PTPRM: variants seen among roughly 807,000 people sequenced by gnomAD.
The protein encoded by PTPRM is receptor-type tyrosine-protein phosphatase mu.
PTPRM carries 47 observed loss-of-function variants against 186.7 expected under a neutral mutation model. That is an observed-to-expected ratio of 0.25 (90% confidence interval 0.20 to 0.32). The LOEUF is 0.32. PTPRM is among the 10% of genes least tolerant of loss of function. The pLI, the probability that PTPRM is intolerant of heterozygous loss-of-function variation, is 1.00. For missense variants in PTPRM, 1,494 were observed against 1,865.0 expected, an observed-to-expected ratio of 0.80 and a Z score of 3.66; for synonymous variants, 668 against 674.9, an observed-to-expected ratio of 0.99 and a Z score of 0.16.
chr18:8,120,046 T>C (rs2092112538), intron 13 of PTPRM, among the ~76,000 whole-genome samples: 1 of 152,138 alleles, frequency 6.6e-6, no homozygotes, highest in Admixed American at 6.5e-5. Flanking sequence ...GGCCAGATAA[T>C]AAATATTTGA....
chr18:7,808,261 G>A (rs2044333289), intron 2 of PTPRM, among the ~76,000 whole-genome samples: 1 of 152,202 alleles, frequency 6.6e-6, no homozygotes, highest in Non-Finnish European at 1.5e-5. Context: ...AGAGCCATGT[G>A]ATGAAGTGGT....
rs747073088 is a variant in PTPRM, at chr18:8,113,642, A to C, written c.2013A>C (p.Gln671His). The stretch of plus-strand genomic sequence containing the variant: ...CAGAATTTCCTGCAGACAGCCTCCA[A>C]GCTGCGCAGCCTTTTACAATTGGTG... ...FAAEFPADSL[Q>H]AAQPFTIGDN... is the part of the protein sequence containing the mutation. Residue 671 changes from glutamine to histidine, a missense_variant, in exon 12 of 33, where the codon CAA (glutamine) becomes CAC (histidine). This residue lies in a region of PTPRM where 1,107 missense variants were observed against 1,350.2 expected (regional missense o/e 0.82). Coordinates refer to ENST00000580170, the MANE Select transcript of PTPRM (RefSeq NM_001105244.2). 1 of 1,614,072 alleles carries C rather than the reference A, an allele frequency of 6.2e-7. No homozygotes were observed. Among genetic ancestry groups the C allele is most frequent in the South Asian group, 1.1e-5 (1 of 91,080 alleles).
At chr18:7,993,241 G>A in intron 7 of PTPRM, among the ~76,000 whole-genome samples, 1 of 152,012 alleles carries the variant, frequency 6.6e-6, no homozygotes, top group East Asian at 1.9e-4. Flanking sequence ...TCACCATCAA[G>A]TGAACAAGCA....
chr18:8,171,603 A>G (rs1303029501), intron 14 of PTPRM, among the ~76,000 whole-genome samples: 1 of 152,154 alleles, frequency 6.6e-6, no homozygotes, highest in Non-Finnish European at 1.5e-5. Context: ...TCCTGTGTTC[A>G]TTTAAAATGG....
Position 8,319,170 on chromosome 18 carries a change from A to C in PTPRM, c.2920-8A>C. 1 of 1,519,328 alleles carries C rather than the reference A, an allele frequency of 6.6e-7. No homozygotes were observed. The highest frequency in any genetic ancestry group is 9.1e-7 in the Non-Finnish European group (1 of 1,099,984). 94.1% of individuals were successfully genotyped at this position (1,519,328 alleles called of 1,614,324 possible). On this transcript the variant is annotated splice_polypyrimidine_tract_variant and splice_region_variant and intron_variant, in intron 21 of 32. Transcript: ENST00000580170. ...GTTTATCAAATATTCTCTTTTATTT[A>C]TTTTTAGGGTTATCATCGACCCAAT...
chr18:7,813,590 G>C (rs1013013943), intron 2 of PTPRM, among the ~76,000 whole-genome samples: 1 of 152,056 alleles, frequency 6.6e-6, no homozygotes, highest in Non-Finnish European at 1.5e-5. Context: ...TGGACCGAGA[G>C]GATATGTGCC....
At chr18:8,387,741 TGTGTGTGC>T (rs769692654) in intron 31 of PTPRM, among the ~76,000 whole-genome samples, 11 of 116,954 alleles carry the variant, frequency 9.4e-5, no homozygotes, top group Admixed American at 5.3e-4. Flanking sequence ...CTGGAGTGTG[TGTGTGTGC>T]GTGTGTGCGT....
chr18:8,016,138 A>G (rs1311389424), intron 7 of PTPRM, among the ~76,000 whole-genome samples: 1 of 152,186 alleles, frequency 6.6e-6, no homozygotes, highest in Non-Finnish European at 1.5e-5. Flanking sequence ...CAAGAACCTG[A>G]ACTCCTGCTG....
intron 1 of PTPRM, among the ~76,000 whole-genome samples, chr18:7,606,963 C>T (rs934783515): frequency 6.6e-6 from 1 of 152,084 alleles, no homozygotes; most frequent in African/African-American, 2.4e-5. Context: ...CCTGACTCCA[C>T]CCAGCTCATC....
chr18:8,083,941 C>T (rs1229159300), intron 9 of PTPRM, among the ~76,000 whole-genome samples: 3 of 152,116 alleles, frequency 2.0e-5, no homozygotes, highest in Admixed American at 2.0e-4. Context: ...GAGAGCAAAA[C>T]TAAGGAGTTT....
intron 2 of PTPRM, among the ~76,000 whole-genome samples, chr18:7,812,194 T>C (rs631574): frequency 0.67 from 102,315 of 152,078 alleles, 35,522 homozygotes; most frequent in East Asian, 0.95. Flanking sequence ...ATTCCCAGTT[T>C]TTCTCTGCCC....
intron 11 of PTPRM, among the ~76,000 whole-genome samples, chr18:8,104,048 C>G (rs1038173672): frequency 1.3e-5 from 2 of 152,108 alleles, no homozygotes; most frequent in Non-Finnish European, 2.9e-5. Context: ...AGAGTAACAT[C>G]AAAGATCACT....
chr18:8,197,310 G>A (rs1253237822), intron 14 of PTPRM, among the ~76,000 whole-genome samples: 5 of 152,136 alleles, frequency 3.3e-5, no homozygotes, highest in African/African-American at 4.8e-5. Context: ...CAGATTCCGT[G>A]TCACTAAGCT....
At chr18:7,657,545 A>G (rs2038879698) in intron 1 of PTPRM, among the ~76,000 whole-genome samples, 1 of 152,222 alleles carries the variant, frequency 6.6e-6, no homozygotes, top group Non-Finnish European at 1.5e-5. Context: ...CACAGCCGTA[A>G]TGCAGAATGA....
intron 11 of PTPRM, among the ~76,000 whole-genome samples, chr18:8,094,510 A>T (rs1258569541): frequency 2.0e-5 from 3 of 152,176 alleles, no homozygotes; most frequent in African/African-American, 7.2e-5. Flanking sequence ...AGGTTGGAGG[A>T]TTGCTTGAGC....
At chr18:7,775,032 G>T (rs376141601) in intron 2 of PTPRM, among the ~76,000 whole-genome samples, 102 of 152,314 alleles carry the variant, frequency 6.7e-4, no homozygotes, top group African/African-American at 2.4e-3. Context: ...TTGGATTTCA[G>T]ATACAACACA....
intron 2 of PTPRM, among the ~76,000 whole-genome samples, chr18:7,792,478 C>G (rs1047852909): frequency 2.0e-5 from 3 of 152,130 alleles, no homozygotes; most frequent in African/African-American, 7.2e-5. Flanking sequence ...TATCATCCCT[C>G]TGAAAACATC....
At chr18:8,400,795 C>T (rs536704940) in intron 32 of PTPRM, among the ~76,000 whole-genome samples, 64 of 152,336 alleles carry the variant, frequency 4.2e-4, no homozygotes, top group Admixed American at 1.4e-3. Context: ...CAGCTCTCCC[C>T]CTTGTGCCAC....
chr18:7,741,586 A>G (rs1361196498), intron 1 of PTPRM: 1 of 152,166 alleles, frequency 6.6e-6, no homozygotes, highest in Non-Finnish European at 1.5e-5. Context: ...TGTTTTTTTT[A>G]TGGCTTCTGT....
Sources: allele counts gnomAD v4.1 joint callset (sites outside exome capture counted in the v4.1 genomes callset), GRCh38; gene constraint gnomAD v4.1.1; regional missense constraint gnomAD v4.1.1; transcripts MANE v1.5; gene names NCBI Gene and HGNC (gene_info 2026-07-23, HGNC 2026-07-21).